The following GABRG3 variants were observed in gnomAD, a reference collection of about 807,000 sequenced individuals.
GABRG3 encodes the protein gamma-aminobutyric acid receptor subunit gamma-3.
Under a neutral mutation model 48.8 loss-of-function variants are expected in GABRG3, and 25 were observed. The observed-to-expected ratio is 0.51, with a 90% CI of 0.37 to 0.72. GABRG3 has a LOEUF of 0.72. Ranked by LOEUF, GABRG3 falls within the 30% of genes least tolerant of loss-of-function variation. The pLI is 0.00. For synonymous variants in GABRG3, 227 were observed against 217.6 expected, an observed-to-expected ratio of 1.04 and a Z score of -0.38; for missense variants, 394 against 577.9, an observed-to-expected ratio of 0.68 and a Z score of 3.26.
chr15:27,347,587 T>G (rs1033950732), intron 5 of GABRG3, among the ~76,000 whole-genome samples: 21 of 152,314 alleles, frequency 1.4e-4, no homozygotes, highest in African/African-American at 5.1e-4. Context: ...AATGCTCTGG[T>G]GTATTTCACA....
At chr15:27,030,695 A>G (rs998239261) in intron 3 of GABRG3, among the ~76,000 whole-genome samples, 1 of 82,288 alleles carries the variant, frequency 1.2e-5, no homozygotes, top group South Asian at 4.1e-4. Context: ...CAATGTTCTG[A>G]CACTCTGTGC....
rs558221258 is a variant in GABRG3, at chr15:27,152,099, C to T, written c.270+125278C>T. 1.1e-4 allele frequency among the ~76,000 whole-genome samples: 16 copies of T among 152,150 alleles called. No individual in the cohort carries two copies. The South Asian group carries it at 3.3e-3, about 32-fold the overall frequency. On this transcript the variant is annotated intron_variant, in intron 3 of 9. Transcript: ENST00000615808. ...AGGTCTAAATTGCAAATATTTTCTT[C>T]CTTAGTTTTCCTAAAGGTTTTATAG...
intron 3 of GABRG3, among the ~76,000 whole-genome samples, chr15:27,042,684 T>C (rs941123359): frequency 6.6e-6 from 1 of 152,212 alleles, no homozygotes; most frequent in Non-Finnish European, 1.5e-5. Flanking sequence ...AAACTCCCGG[T>C]GCCTGGGTGT....
chr15:27,470,461 G>A (rs1889753950), intron 5 of GABRG3, among the ~76,000 whole-genome samples: 1 of 151,636 alleles, frequency 6.6e-6, no homozygotes, highest in Non-Finnish European at 1.5e-5. Context: ...TCGAACTCCT[G>A]AGCTCAGGCA....
chr15:27,126,986 G>C (rs374319582), intron 3 of GABRG3, among the ~76,000 whole-genome samples: 1 of 152,192 alleles, frequency 6.6e-6, no homozygotes, highest in African/African-American at 2.4e-5. Flanking sequence ...GGCCAGCGGA[G>C]AGATTGGAAA....
At position 27,103,259 on chromosome 15, in the gene GABRG3, A is replaced by G. The variant is rs75402540; in HGVS notation, c.270+76438A>G. 5.4e-3 allele frequency among the ~76,000 whole-genome samples: 821 copies of G among 152,312 alleles called. 4 individuals carry two copies. The highest frequency in any genetic ancestry group is 0.018 in the African/African-American group (765 of 41,558). ...TCCCTGTACTGACAACCCACTCCTC[A>G]GGAATGACTCTATTTTGTTCAGGTG... On this transcript the variant is annotated intron_variant, in intron 3 of 9. Coordinates refer to ENST00000615808, the MANE Select transcript of GABRG3 (RefSeq NM_033223.5).
intron 5 of GABRG3, among the ~76,000 whole-genome samples, chr15:27,340,102 C>T (rs1477736170): frequency 6.6e-6 from 1 of 152,136 alleles, no homozygotes; most frequent in African/African-American, 2.4e-5. Flanking sequence ...TCCCTTTCCC[C>T]ATCTGCAAGG....
intron 6 of GABRG3, among the ~76,000 whole-genome samples, chr15:27,500,761 C>G (rs1890603336): frequency 6.6e-6 from 1 of 151,888 alleles, no homozygotes; most frequent in Admixed American, 6.6e-5. Flanking sequence ...TTCAGTACCA[C>G]AGTCTGATCA....
At chr15:27,286,786 A>T (rs185056615) in intron 3 of GABRG3, among the ~76,000 whole-genome samples, 1 of 152,188 alleles carries the variant, frequency 6.6e-6, no homozygotes, top group Non-Finnish European at 1.5e-5. Flanking sequence ...AACATGTTAT[A>T]ATTCTGATGA....
At chr15:27,265,373 C>T (rs559085806) in intron 3 of GABRG3, among the ~76,000 whole-genome samples, 1 of 152,122 alleles carries the variant, frequency 6.6e-6, no homozygotes, top group Non-Finnish European at 1.5e-5. Flanking sequence ...TAACAACCAG[C>T]CGTACAAAAA....
chr15:27,104,504 T>C (rs570693660), intron 3 of GABRG3, among the ~76,000 whole-genome samples: 7 of 152,236 alleles, frequency 4.6e-5, no homozygotes, highest in Non-Finnish European at 8.8e-5. Context: ...TGTTCTCTCA[T>C]TCACTCACTC....
chr15:27,349,363 A>G (rs1416731390), intron 5 of GABRG3, among the ~76,000 whole-genome samples: 2 of 152,158 alleles, frequency 1.3e-5, no homozygotes, highest in African/African-American at 2.4e-5. Context: ...ATGAAGCTTG[A>G]ATTTCCCAGT....
intron 3 of GABRG3, among the ~76,000 whole-genome samples, chr15:27,303,748 G>A (rs1892294393): frequency 6.6e-6 from 1 of 150,900 alleles, no homozygotes; most frequent in African/African-American, 2.4e-5. Context: ...ATATATCCGT[G>A]TGTGTATATA....
chr15:27,459,760 C>A (rs12442681), intron 5 of GABRG3, among the ~76,000 whole-genome samples: 58,314 of 151,986 alleles, frequency 0.38, 14,684 homozygotes, highest in African/African-American at 0.7. Context: ...GCACACACAC[C>A]CACACTTCCT....
At chr15:27,337,857 A>G (rs1026289296) in intron 5 of GABRG3, among the ~76,000 whole-genome samples, 1 of 152,194 alleles carries the variant, frequency 6.6e-6, no homozygotes, top group African/African-American at 2.4e-5. Flanking sequence ...CACACAAATA[A>G]GCCTTGTGAT....
chr15:27,341,912 C>G (rs1343311143), intron 5 of GABRG3, among the ~76,000 whole-genome samples: 2 of 152,162 alleles, frequency 1.3e-5, no homozygotes, highest in African/African-American at 2.4e-5. Flanking sequence ...CATATTAGAG[C>G]CAGAGAAATT....
chr15:27,322,660 C>T (rs918863911), intron 3 of GABRG3, among the ~76,000 whole-genome samples: 1 of 152,148 alleles, frequency 6.6e-6, no homozygotes, highest in Non-Finnish European at 1.5e-5. Context: ...TATGAGGAGA[C>T]TGAGGCTAAG....
chr15:27,024,898 C>T (rs895944440), intron 2 of GABRG3, among the ~76,000 whole-genome samples: 8 of 151,840 alleles, frequency 5.3e-5, no homozygotes, highest in Middle Eastern at 3.2e-3. Context: ...TGGTGGCAGG[C>T]GCCTGTAATC....
intron 5 of GABRG3, among the ~76,000 whole-genome samples, chr15:27,346,579 G>A (rs942072114): frequency 6.6e-6 from 1 of 151,188 alleles, no homozygotes; most frequent in Non-Finnish European, 1.5e-5. Flanking sequence ...TTATGTGTAC[G>A]TTACACCTTT....
Sources: gnomAD v4.1 joint callset for allele counts (sites outside exome capture counted in the v4.1 genomes callset) on GRCh38, gnomAD v4.1.1 for gene constraint, MANE v1.5 for transcripts, NCBI Gene and HGNC (gene_info 2026-07-23, HGNC 2026-07-21) for gene names.